The following AFF1 variants were observed in gnomAD, a reference collection of about 807,000 sequenced individuals.
The protein encoded by AFF1 is AF4/FMR2 family member 1.
In AFF1, 48 loss-of-function variants were observed where a neutral mutation model predicts 121.7. The observed-to-expected ratio is 0.39, with a 90% CI of 0.31 to 0.50. The LOEUF is 0.50. Among genes scored for constraint, AFF1 ranks in the 20% least tolerant of loss-of-function variants. The probability of loss-of-function intolerance (pLI) is 0.76; values close to 1 mark genes in which losing one functional copy is unlikely to be tolerated. For synonymous variants in AFF1, 613 were observed against 563.0 expected (o/e 1.09, Z -1.26); for missense variants, 1,523 against 1,511.7 (o/e 1.01, Z -0.12).
At chr4:87,065,314 C>T (rs917927664) in intron 4 of AFF1, among the ~76,000 whole-genome samples, 2 of 152,100 alleles carry the variant, frequency 1.3e-5, no homozygotes, top group Non-Finnish European at 2.9e-5. Flanking sequence ...CTCACTGTTA[C>T]AAGAACAGCA....
chr4:87,085,730 A>G (rs1158091162), intron 5 of AFF1, among the ~76,000 whole-genome samples: 1 of 151,254 alleles, frequency 6.6e-6, no homozygotes, highest in African/African-American at 2.4e-5. Flanking sequence ...TGAGAAAGAA[A>G]GAACCTCTAG....
At chr4:87,037,500 A>G (rs570990688) in intron 2 of AFF1, among the ~76,000 whole-genome samples, 1 of 152,160 alleles carries the variant, frequency 6.6e-6, no homozygotes, top group South Asian at 2.1e-4. Flanking sequence ...TTTAGTGGAG[A>G]TGGGGTTTCA....
chr4:86,966,278 C>A (rs1722535979), intron 2 of AFF1, among the ~76,000 whole-genome samples: 1 of 152,044 alleles, frequency 6.6e-6, no homozygotes, highest in Admixed American at 6.6e-5. Context: ...TGCTGTCAAT[C>A]CTTCCTCTTC....
intron 2 of AFF1, among the ~76,000 whole-genome samples, chr4:87,020,155 C>A (rs1727753666): frequency 1.3e-5 from 2 of 152,322 alleles, no homozygotes; most frequent in Admixed American, 1.3e-4. Context: ...TGTATCACAG[C>A]TATATTTAAT....
chr4:86,948,841 CTG>C (rs527314450), intron 2 of AFF1, among the ~76,000 whole-genome samples: 88 of 152,188 alleles, frequency 5.8e-4, no homozygotes, highest in African/African-American at 2.0e-3. Flanking sequence ...CATTCTAATG[CTG>C]TGTTCAGGAT....
chr4:87,115,645 C>CTGTT (rs1318193138), intron 12 of AFF1, among the ~76,000 whole-genome samples: 5 of 82,340 alleles, frequency 6.1e-5, no homozygotes, highest in Non-Finnish European at 1.1e-4. Flanking sequence ...GGCCCTTGCT[C>CTGTT]TGTTGCCAGG....
chr4:87,022,608 A>T, intron 2 of AFF1, among the ~76,000 whole-genome samples: 1 of 100,712 alleles, frequency 9.9e-6, no homozygotes, highest in African/African-American at 3.1e-5. Flanking sequence ...CTGTGTGTAT[A>T]TATATCTGTG....
At chr4:87,059,559 CAT>C (rs1362576013) in intron 4 of AFF1, among the ~76,000 whole-genome samples, 1 of 152,220 alleles carries the variant, frequency 6.6e-6, no homozygotes, top group Non-Finnish European at 1.5e-5. Flanking sequence ...CATTATTTCA[CAT>C]GAGTGATTTG....
intron 2 of AFF1, among the ~76,000 whole-genome samples, chr4:87,022,604 G>GTA (rs1728092567): frequency 1.0e-5 from 1 of 97,970 alleles, no homozygotes; most frequent in African/African-American, 3.7e-5. Context: ...CTATCTGTGT[G>GTA]TATATATATC....
At chr4:87,073,182 T>G (rs1722268465) in intron 4 of AFF1, among the ~76,000 whole-genome samples, 1 of 151,292 alleles carries the variant, frequency 6.6e-6, no homozygotes, top group Non-Finnish European at 1.5e-5. Flanking sequence ...GTTCATGATG[T>G]TCTGATATTA....
chr4:87,066,605 C>G (rs1721372436), intron 4 of AFF1, among the ~76,000 whole-genome samples: 2 of 143,036 alleles, frequency 1.4e-5, no homozygotes, highest in South Asian at 4.4e-4. Flanking sequence ...AAAACAAAAA[C>G]AAAAACAGGT....
chr4:87,055,357 C>A (rs1027358923), intron 4 of AFF1, among the ~76,000 whole-genome samples: 2 of 152,120 alleles, frequency 1.3e-5, no homozygotes, highest in African/African-American at 4.8e-5. Flanking sequence ...ACTGGAAGAA[C>A]TTTTTGGGTG....
chr4:87,026,080 G>C (rs371697546), intron 2 of AFF1, among the ~76,000 whole-genome samples: 1 of 25,882 alleles, frequency 3.9e-5, no homozygotes, highest in Admixed American at 3.5e-4. Flanking sequence ...TTTTTTTTTT[G>C]CGTGGTGGTG....
At chr4:87,084,605 A>AAATAAAT (rs1560609341) in intron 5 of AFF1, among the ~76,000 whole-genome samples, 1 of 118,456 alleles carries the variant, frequency 8.4e-6, no homozygotes, top group Non-Finnish European at 2.0e-5. Context: ...AATAAATAAA[A>AAATAAAT]AATAAAGAAC....
At chr4:86,992,189 A>G (rs1002209230) in intron 2 of AFF1, among the ~76,000 whole-genome samples, 6 of 152,182 alleles carry the variant, frequency 3.9e-5, no homozygotes, top group African/African-American at 1.4e-4. Flanking sequence ...GTGCAGGGTC[A>G]TATCTCAGTC....
chr4:87,068,257 G>GCCCCCCC (rs70957204), intron 4 of AFF1, among the ~76,000 whole-genome samples: 60 of 120,122 alleles, frequency 5.0e-4, no homozygotes, highest in Non-Finnish European at 6.4e-4. Flanking sequence ...CATGAAAATT[G>GCCCCCCC]CCCCCCCCCC....
In AFF1 at chr4:87,138,041, T is replaced by TTC. The variant is rs1553940339; in HGVS notation, c.*2340_*2341insTC. ...TACTCTTTGTGGGTTTTTTTTTTTT[T>TTC]CTCTGAACTTGATATAAAGATTTTA... On this transcript the variant is annotated 3_prime_UTR_variant, in exon 21 of 21. Coordinates refer to ENST00000395146, the MANE Select transcript of AFF1 (RefSeq NM_001166693.3). 8 of 229,552 alleles carry TTC rather than the reference T, an allele frequency of 3.5e-5. No homozygotes were observed. The highest frequency in any genetic ancestry group is 1.8e-4 in the South Asian group (1 of 5,458). 14.2% of individuals were successfully genotyped at this position (229,552 alleles called of 1,614,324 possible). A position where few individuals can be genotyped will look rare whatever the true frequency, so the allele number is the denominator to read the frequency against.
intron 2 of AFF1, among the ~76,000 whole-genome samples, chr4:87,002,780 G>C (rs1429384996): frequency 6.6e-6 from 1 of 152,132 alleles, no homozygotes; most frequent in Non-Finnish European, 1.5e-5. Flanking sequence ...CAGGAGCCGG[G>C]TCCAGGGATT....
chr4:87,047,976 T>A lies in AFF1; in HGVS notation c.1059+382T>A, dbSNP rs1374089111. 6 of 250,920 alleles carry A rather than the reference T, an allele frequency of 2.4e-5. No individual in the cohort carries two copies. The East Asian group carries it at 5.7e-4, about 24-fold the overall frequency. 15.5% of individuals were successfully genotyped at this position (250,920 alleles called of 1,614,324 possible). ...GTTTCAGGAAGGTTTTCAGGTGTCT[T>A]ATTTATTGTTTTGGGAGACACTGGG... On this transcript the variant is annotated intron_variant, in intron 4 of 20. Transcript: ENST00000395146.
Sources: gnomAD v4.1 joint callset for allele counts (sites outside exome capture counted in the v4.1 genomes callset) on GRCh38, gnomAD v4.1.1 for gene constraint, MANE v1.5 for transcripts, NCBI Gene and HGNC (gene_info 2026-07-23, HGNC 2026-07-21) for gene names.